Variants in EFHB observed in about 807,000 individuals in gnomAD.
The protein encoded by EFHB is EF-hand domain-containing family member B.
Under a neutral mutation model 87.2 loss-of-function variants are expected in EFHB, and 91 were observed. The observed-to-expected ratio is 1.04, with a 90% CI of 0.88 to 1.24. EFHB has a LOEUF of 1.24. EFHB is among the 50% of genes most tolerant of loss of function. The pLI is 0.00. For missense variants in EFHB, 1,084 were observed against 998.8 expected (o/e 1.09, Z -1.15); for synonymous variants, 325 against 333.6 (o/e 0.97, Z 0.28).
chr3:19,924,281 T>C (rs1480743972), intron 1 of EFHB, among the ~76,000 whole-genome samples: 1 of 151,782 alleles, frequency 6.6e-6, no homozygotes, highest in Non-Finnish European at 1.5e-5. Flanking sequence ...TTGTGTGATC[T>C]TGACTCACTA....
At chr3:19,908,554 AAGAGAGAAAGAG>A (rs1559459379) in intron 5 of EFHB, among the ~76,000 whole-genome samples, 5 of 60,756 alleles carry the variant, frequency 8.2e-5, no homozygotes, top group African/African-American at 3.0e-4. Flanking sequence ...GAAAGAGAGA[AAGAGAGAAAGAG>A]AGAGAGAGAG....
intron 1 of EFHB, among the ~76,000 whole-genome samples, chr3:19,940,058 G>A (rs1387351502): frequency 2.6e-5 from 4 of 152,134 alleles, no homozygotes; most frequent in Admixed American, 2.6e-4. Context: ...AGTTTGGAAT[G>A]ATCTGTCCAA....
intron 2 of EFHB, 24 bp downstream of exon 2, chr3:19,920,481 T>C: frequency 1.3e-6 from 2 of 1,576,738 alleles, no homozygotes; most frequent in Non-Finnish European, 8.6e-7. Flanking sequence ...AATAGAAATA[T>C]AAAGGTATAT....
In EFHB at chr3:19,905,735, G is replaced by A. The variant is rs371075148; in HGVS notation, c.1303C>T (p.Arg435Ter). 90 of 1,608,216 alleles carry A rather than the reference G, an allele frequency of 5.6e-5. No individual in the cohort carries two copies. The highest frequency in any genetic ancestry group is 6.9e-5 in the Non-Finnish European group (81 of 1,176,230). ...NDYYAGEAKN[R>*]KYNPSSFHRC... ...TGGAAACTTGATGGGTTATACTTTC[G>A]GTTCTTTGCCTCTCCTGTGGAAAAA... Residue 435 changes from arginine (R) to a stop codon, truncating the protein, a stop_gained, in exon 6 of 13, where the codon CGA becomes TGA. Transcript: ENST00000295824. LOFTEE classifies it high-confidence loss of function.
intron 8 of EFHB, 82 bp downstream of exon 8, chr3:19,898,696 T>C (rs1473742772): frequency 7.7e-7 from 1 of 1,297,254 alleles, no homozygotes; most frequent in Admixed American, 1.9e-5. Flanking sequence ...AATAAGGAGA[T>C]GGTGAGCTTA....
chr3:19,904,313 G>C (rs1694767760), intron 6 of EFHB, among the ~76,000 whole-genome samples: 1 of 152,180 alleles, frequency 6.6e-6, no homozygotes, highest in South Asian at 2.1e-4. Flanking sequence ...TGAAATCAAA[G>C]TGTCAGTAAG....
intron 5 of EFHB, among the ~76,000 whole-genome samples, chr3:19,908,197 A>G (rs1193688793): frequency 6.6e-6 from 1 of 152,260 alleles, no homozygotes; most frequent in African/African-American, 2.4e-5. Context: ...CAAAATGAAC[A>G]TACATACTGA....
At chr3:19,903,538 T>C (rs1694741377) in intron 6 of EFHB, among the ~76,000 whole-genome samples, 1 of 152,012 alleles carries the variant, frequency 6.6e-6, no homozygotes, top group Non-Finnish European at 1.5e-5. Context: ...AATATCTTCA[T>C]ACTTTACACA....
intron 5 of EFHB, among the ~76,000 whole-genome samples, chr3:19,908,059 A>T (rs992199302): frequency 2.0e-5 from 3 of 152,222 alleles, no homozygotes; most frequent in African/African-American, 7.2e-5. Flanking sequence ...AATCACATTT[A>T]CAAAGGTATA....
intron 9 of EFHB, among the ~76,000 whole-genome samples, chr3:19,892,223 C>G (rs1694329638): frequency 6.6e-6 from 1 of 152,142 alleles, no homozygotes; most frequent in Non-Finnish European, 1.5e-5. Flanking sequence ...CAGCAATGAG[C>G]TATTAGTCAA....
intron 5 of EFHB, 33 bp downstream of exon 5, chr3:19,915,270 C>T: frequency 6.8e-7 from 1 of 1,460,512 alleles, no homozygotes; most frequent in Non-Finnish European, 9.6e-7. Flanking sequence ...AGTCCCATAT[C>T]CTCAGGCCCA....
intron 5 of EFHB, among the ~76,000 whole-genome samples, chr3:19,908,602 A>AGAGAGAGAGAGAGAGAG (rs1559459816): frequency 3.6e-4 from 28 of 77,316 alleles, no homozygotes; most frequent in Admixed American, 6.4e-4. Flanking sequence ...GAGAGAGAGA[A>AGAGAGAGAGAGAGAGAG]AGAAAGAAAG....
chr3:19,921,719 T>C (rs1695443399), intron 1 of EFHB, among the ~76,000 whole-genome samples: 1 of 152,192 alleles, frequency 6.6e-6, no homozygotes, highest in Non-Finnish European at 1.5e-5. Context: ...CTGTGTTCTG[T>C]GTTCTAACCT....
At chr3:19,902,730 T>C (rs111665381) in intron 6 of EFHB, among the ~76,000 whole-genome samples, 3,105 of 152,242 alleles carry the variant, frequency 0.02, 109 homozygotes, top group African/African-American at 0.071. Flanking sequence ...ATCGTGCATA[T>C]AAAATTAGAT....
chr3:19,892,059 T>TGA (rs1694323886), intron 9 of EFHB, among the ~76,000 whole-genome samples: 1 of 152,148 alleles, frequency 6.6e-6, no homozygotes, highest in Non-Finnish European at 1.5e-5. Flanking sequence ...TATTGACACT[T>TGA]ATTCAAGTTA....
chr3:19,913,987 A>G (rs2931396), intron 5 of EFHB, among the ~76,000 whole-genome samples: 65,652 of 152,112 alleles, frequency 0.43, 14,870 homozygotes, highest in African/African-American at 0.56. Context: ...CATCTGCCCA[A>G]GCCTAGAGTG....
chr3:19,910,646 G>T (rs1478024829), intron 5 of EFHB, among the ~76,000 whole-genome samples: 1 of 152,184 alleles, frequency 6.6e-6, no homozygotes, highest in Admixed American at 6.5e-5. Flanking sequence ...GGACTTGGGT[G>T]AGACCAAATG....
At chr3:19,888,412 A>G (rs1412586374) in intron 10 of EFHB, 32 bp downstream of exon 10, 1 of 1,206,818 alleles carries the variant, frequency 8.3e-7, no homozygotes, top group Middle Eastern at 2.7e-4. Context: ...TTAAAAAAAT[A>G]ATAATTCATC....
At chr3:19,913,995 G>A (rs1334409993) in intron 5 of EFHB, among the ~76,000 whole-genome samples, 1 of 152,232 alleles carries the variant, frequency 6.6e-6, no homozygotes, top group African/African-American at 2.4e-5. Context: ...CAAGCCTAGA[G>A]TGCAGTAGTG....
Sources: gnomAD v4.1 joint callset for allele counts (sites outside exome capture counted in the v4.1 genomes callset) on GRCh38, gnomAD v4.1.1 for gene constraint, MANE v1.5 for transcripts, NCBI Gene and HGNC (gene_info 2026-07-23, HGNC 2026-07-21) for gene names.